MGMT: variants seen among roughly 807,000 people sequenced by gnomAD.
The protein encoded by MGMT is methylated-DNA--protein-cysteine methyltransferase.
MGMT carries 14 observed loss-of-function variants against 15.9 expected under a neutral mutation model. That is an observed-to-expected ratio of 0.88 (90% CI 0.58 to 1.37). The LOEUF is 1.37. Ranked by LOEUF, MGMT falls within the 40% of genes most tolerant of loss-of-function variation. The pLI is 0.00. For missense variants in MGMT, 282 were observed against 268.1 expected (o/e 1.05, Z -0.36); for synonymous variants, 130 against 118.2 (o/e 1.10, Z -0.65).
rs558336127 is a variant in MGMT, at chr10:129,653,759, C to T, written c.126-54136C>T. On this transcript the variant is annotated intron_variant, in intron 2 of 4. Transcript: ENST00000651593. The stretch of plus-strand genomic sequence containing the variant: ...AAGCACAGCGTGGTGGCCGTCACAG[C>T]CTTCTGGGAAGGCTATTTCTGCATC... Among the ~76,000 whole-genome samples the T allele has an allele frequency of 2.6e-5, 4 of 152,372 alleles. No individual in the cohort carries two copies. In the East Asian group the frequency reaches 7.7e-4, roughly 29 times the overall value.
intron 2 of MGMT, among the ~76,000 whole-genome samples, chr10:129,661,784 A>T (rs1202606946): frequency 6.6e-6 from 1 of 152,216 alleles, no homozygotes; most frequent in Admixed American, 6.5e-5. Flanking sequence ...TAAGATTTCG[A>T]AAAAGGACTA....
At chr10:129,718,440 G>A (rs372109259) in intron 3 of MGMT, among the ~76,000 whole-genome samples, 58 of 151,904 alleles carry the variant, frequency 3.8e-4, no homozygotes, top group African/African-American at 1.3e-3. Flanking sequence ...GGGCAAGTGA[G>A]GTCAGGCCTG....
chr10:129,642,227 G>T (rs532102340), intron 2 of MGMT, among the ~76,000 whole-genome samples: 1 of 152,144 alleles, frequency 6.6e-6, no homozygotes, highest in Non-Finnish European at 1.5e-5. Context: ...GCGGGCGGGC[G>T]TAGGGGGCAT....
At chr10:129,494,009 A>T (rs1293171772) in intron 1 of MGMT, among the ~76,000 whole-genome samples, 1 of 152,228 alleles carries the variant, frequency 6.6e-6, no homozygotes, top group African/African-American at 2.4e-5. Flanking sequence ...GAGATGGCAT[A>T]GTGTCCTACT....
intron 2 of MGMT, among the ~76,000 whole-genome samples, chr10:129,600,028 G>C (rs1222006702): frequency 6.6e-6 from 1 of 152,164 alleles, no homozygotes; most frequent in Non-Finnish European, 1.5e-5. Flanking sequence ...AATTTGACGG[G>C]TCATTTCTTT....
chr10:129,513,153 AG>A (rs747314795), intron 1 of MGMT, among the ~76,000 whole-genome samples: 16 of 152,228 alleles, frequency 1.1e-4, no homozygotes, highest in Non-Finnish European at 1.6e-4. Flanking sequence ...CAGTCACAAA[AG>A]GACAAGTACT....
At chr10:129,730,165 AC>A (rs1848479858) in intron 3 of MGMT, among the ~76,000 whole-genome samples, 1 of 152,144 alleles carries the variant, frequency 6.6e-6, no homozygotes, top group African/African-American at 2.4e-5. Context: ...CAGCCTACAT[AC>A]TTAGGTTCTT....
chr10:129,523,938 C>T (rs1405643875), intron 1 of MGMT, among the ~76,000 whole-genome samples: 1 of 152,166 alleles, frequency 6.6e-6, no homozygotes, highest in African/African-American at 2.4e-5. Flanking sequence ...GGGGTCCCAG[C>T]CTCTTGGAAG....
chr10:129,658,896 G>A (rs557951001), intron 2 of MGMT, among the ~76,000 whole-genome samples: 1 of 152,248 alleles, frequency 6.6e-6, no homozygotes, highest in East Asian at 1.9e-4. Context: ...ACTGTAAGCT[G>A]TAGCATTCAA....
At chr10:129,594,804 C>A (rs1161650975) in intron 2 of MGMT, among the ~76,000 whole-genome samples, 1 of 152,238 alleles carries the variant, frequency 6.6e-6, no homozygotes, top group Non-Finnish European at 1.5e-5. Flanking sequence ...TGCCCTCCAT[C>A]CTCAGTTGAC....
rs1022687731 is a variant in MGMT, at chr10:129,659,249, C to A, written c.126-48646C>A. On this transcript the variant is annotated intron_variant, in intron 2 of 4. Coordinates refer to ENST00000651593, the MANE Select transcript of MGMT (RefSeq NM_002412.5). The surrounding 1 kb of genome is among the most constrained non-coding windows in gnomAD (Gnocchi z 4.1). ...GTGCACACCCGTAGTCTCAGCTACT[C>A]GGGAGGCTGAGGCAGGAGAATTGCT... Among the ~76,000 whole-genome samples the A allele has an allele frequency of 6.6e-6, 1 of 151,690 alleles. No homozygotes were observed. The highest frequency in any genetic ancestry group is 1.5e-5 in the Non-Finnish European group (1 of 67,964).
At chr10:129,500,681 C>A (rs771090112) in intron 1 of MGMT, among the ~76,000 whole-genome samples, 1 of 152,124 alleles carries the variant, frequency 6.6e-6, no homozygotes, top group Non-Finnish European at 1.5e-5. Context: ...TCCTGAGTAT[C>A]TGGGATTACA....
chr10:129,752,838 A>C (rs1389763001), intron 3 of MGMT, among the ~76,000 whole-genome samples: 1 of 152,130 alleles, frequency 6.6e-6, no homozygotes, highest in Non-Finnish European at 1.5e-5. Flanking sequence ...ACATATCTTG[A>C]AAAACTTGAG....
At chr10:129,527,602 A>G (rs1453490164) in intron 1 of MGMT, among the ~76,000 whole-genome samples, 3 of 151,764 alleles carry the variant, frequency 2.0e-5, no homozygotes, top group Non-Finnish European at 2.9e-5. Flanking sequence ...TCTCCTGTTC[A>G]CAGCACGCTT....
chr10:129,767,074 T>C lies in MGMT; in HGVS notation c.*77T>C. 4 of 1,230,438 alleles carry C rather than the reference T, an allele frequency of 3.3e-6. No individual in the cohort carries two copies. Among genetic ancestry groups the C allele is most frequent in the Non-Finnish European group, 4.5e-6 (4 of 898,244 alleles). 76.2% of individuals were successfully genotyped at this position (1,230,438 alleles called of 1,614,324 possible). ...CGGATGCGGGGCGTGGAGGCACCGC[T>C]GTATTAAAGGAAGTGGCAGTGTCCT... is the stretch of plus-strand genomic sequence containing the variant. On this transcript the variant is annotated 3_prime_UTR_variant, in exon 5 of 5. Transcript: ENST00000651593.
At chr10:129,481,886 G>A (rs558890717) in intron 1 of MGMT, among the ~76,000 whole-genome samples, 12 of 152,122 alleles carry the variant, frequency 7.9e-5, no homozygotes, top group Admixed American at 2.0e-4. Flanking sequence ...GCCAACTTTC[G>A]TTACTTGATT....
intron 2 of MGMT, among the ~76,000 whole-genome samples, chr10:129,551,521 C>T (rs575201417): frequency 3.3e-5 from 5 of 152,108 alleles, no homozygotes; most frequent in Middle Eastern, 3.4e-3. Flanking sequence ...CAGCTGCCCC[C>T]GGGAGCCCTC....
intron 3 of MGMT, among the ~76,000 whole-genome samples, chr10:129,732,330 G>C (rs10764902): frequency 8.0e-6 from 1 of 125,296 alleles, no homozygotes; most frequent in South Asian, 3.0e-4. Flanking sequence ...ACAGGCCCCA[G>C]TGTGTGATGT....
chr10:129,600,986 AGTAT>A (rs1262377733), intron 2 of MGMT, among the ~76,000 whole-genome samples: 1 of 152,022 alleles, frequency 6.6e-6, no homozygotes, highest in Non-Finnish European at 1.5e-5. Context: ...ATCAGAGTTG[AGTAT>A]GTAGCCTTTG....
Sources: gnomAD v4.1 joint callset for allele counts (sites outside exome capture counted in the v4.1 genomes callset) on GRCh38, gnomAD v4.1.1 for gene constraint, Gnocchi (gnomAD v3.1) non-coding constraint, MANE v1.5 for transcripts, NCBI Gene and HGNC (gene_info 2026-07-23, HGNC 2026-07-21) for gene names.